MTPN: variants seen among roughly 807,000 people sequenced by gnomAD.
MTPN encodes granule cell differentiation protein.
Under a neutral mutation model 13.5 loss-of-function variants are expected in MTPN, and 2 were observed. That is an observed-to-expected ratio of 0.15 (90% confidence interval 0.06 to 0.47). MTPN has a LOEUF of 0.47. Among genes scored for constraint, MTPN ranks in the 20% least tolerant of loss-of-function variants. The probability of loss-of-function intolerance (pLI) is 0.97; values close to 1 mark genes in which losing one functional copy is unlikely to be tolerated. For synonymous variants in MTPN, 46 were observed against 51.7 expected (o/e 0.89, Z 0.48); for missense variants, 79 against 137.9 (o/e 0.57, Z 2.14).
intron 1 of MTPN, among the ~76,000 whole-genome samples, chr7:135,971,612 T>C (rs1370153506): frequency 6.6e-6 from 1 of 152,168 alleles, no homozygotes; most frequent in Non-Finnish European, 1.5e-5. Flanking sequence ...GCAAGTTATT[T>C]AATCTCTGCC....
chr7:135,958,543 T>C (rs1019135407), intron 1 of MTPN, among the ~76,000 whole-genome samples: 1 of 152,178 alleles, frequency 6.6e-6, no homozygotes, highest in African/African-American at 2.4e-5. Flanking sequence ...ACTGAGTATC[T>C]CTAATGAAAG....
Position 135,929,871 on chromosome 7 carries a change from G to T in MTPN, c.*55C>A. On this transcript the variant is annotated 3_prime_UTR_variant, in exon 4 of 4. Transcript: ENST00000393085. ...ATAGAGAGTGACAGACAGACAGGCA[G>T]CAGTGTGAGGCCACAGGAGAGTCAT... The T allele has an allele frequency of 6.6e-7, 1 of 1,508,040 alleles. No homozygotes were observed. The highest frequency in any genetic ancestry group is 9.2e-7 in the Non-Finnish European group (1 of 1,083,258). 93.4% of individuals were successfully genotyped at this position (1,508,040 alleles called of 1,614,324 possible).
intron 1 of MTPN, among the ~76,000 whole-genome samples, chr7:135,955,524 A>G (rs939066436): frequency 1.8e-4 from 28 of 152,180 alleles, no homozygotes; most frequent in African/African-American, 6.3e-4. Flanking sequence ...TACCAATTCT[A>G]CCCACTCTTC....
chr7:135,955,953 G>C (rs928891744), intron 1 of MTPN, among the ~76,000 whole-genome samples: 10 of 152,166 alleles, frequency 6.6e-5, no homozygotes, highest in Non-Finnish European at 1.2e-4. Context: ...CTTAATTGGT[G>C]AAAGACTGAA....
Position 135,977,308 on chromosome 7 carries a change from G to T in MTPN, c.-208C>A, listed in dbSNP as rs924908132. ...AAGAAAGTTCTTTTGCGGCCACCGGGCCCAGCAGAGAGGTTCCGCCTGGCC... is the reference window on the plus strand; with the variant it reads ...AAGAAAGTTCTTTTGCGGCCACCGGTCCCAGCAGAGAGGTTCCGCCTGGCC... On this transcript the variant is annotated 5_prime_UTR_variant, in exon 1 of 4. Coordinates refer to ENST00000393085, the MANE Select transcript of MTPN (RefSeq NM_145808.4). 3.3e-6 allele frequency: 2 copies of T among 600,874 alleles called. No homozygotes were observed. Among genetic ancestry groups the T allele is most frequent in the Non-Finnish European group, 3.0e-6 (1 of 336,146 alleles). 37.2% of individuals were successfully genotyped at this position (600,874 alleles called of 1,614,324 possible). A position where few individuals can be genotyped will look rare whatever the true frequency, so the allele number is the denominator to read the frequency against.
chr7:135,958,867 T>C (rs1799482431), intron 1 of MTPN, among the ~76,000 whole-genome samples: 1 of 152,162 alleles, frequency 6.6e-6, no homozygotes, highest in East Asian at 1.9e-4. Flanking sequence ...CTCTGAAACA[T>C]TCAAATTTCA....
intron 1 of MTPN, among the ~76,000 whole-genome samples, chr7:135,975,862 A>AGTAAATTG (rs1799765861): frequency 6.6e-6 from 1 of 152,252 alleles, no homozygotes; most frequent in African/African-American, 2.4e-5. Context: ...ATGGCATTAA[A>AGTAAATTG]TAAAGTAAAA....
At chr7:135,939,975 ATTAT>A (rs1363295021) in intron 3 of MTPN, among the ~76,000 whole-genome samples, 1 of 152,184 alleles carries the variant, frequency 6.6e-6, no homozygotes, top group African/African-American at 2.4e-5. Flanking sequence ...AAAAGGAAAA[ATTAT>A]TTTTTTAAAA....
chr7:135,947,281 G>A (rs949168556), intron 3 of MTPN, among the ~76,000 whole-genome samples: 21 of 152,018 alleles, frequency 1.4e-4, no homozygotes, highest in African/African-American at 4.6e-4. Flanking sequence ...CTCTGGGCGT[G>A]GCCTTGGATC....
chr7:135,949,573 T>A (rs1199973487), intron 3 of MTPN, among the ~76,000 whole-genome samples: 1 of 152,164 alleles, frequency 6.6e-6, no homozygotes, highest in Non-Finnish European at 1.5e-5. Context: ...AAGCTATGGA[T>A]AGAAAAAACC....
At chr7:135,943,171 T>C (rs941911310) in intron 3 of MTPN, among the ~76,000 whole-genome samples, 3 of 152,242 alleles carry the variant, frequency 2.0e-5, no homozygotes, top group African/African-American at 7.2e-5. Context: ...GGGTTCCAAA[T>C]AATCCTAAAA....
rs564045963 is a variant in MTPN at position 135,941,881 on chromosome 7, C to CTT, written c.270+8716_270+8717dup. Among the ~76,000 whole-genome samples the CTT allele has an allele frequency of 6.2e-3, 841 of 136,162 alleles. 3 individuals are homozygous for CTT. Among genetic ancestry groups the CTT allele is most frequent in the Middle Eastern group, 0.015 (4 of 260 alleles). The allele number at this position is 136,162 out of a possible 152,430, so 89.3% of individuals were successfully genotyped here. A position where few individuals can be genotyped will look rare whatever the true frequency, so the allele number is the denominator to read the frequency against. Reference sequence around the variant, plus strand: ...AGTCACATATTGAGCTGTTATATTACTTTTTTTTTTTTTTTTTTGAGACGG... The same window carrying CTT: ...AGTCACATATTGAGCTGTTATATTACTTTTTTTTTTTTTTTTTTTTGAGACGG... On this transcript the variant is annotated intron_variant, in intron 3 of 3. Coordinates refer to ENST00000393085, the MANE Select transcript of MTPN (RefSeq NM_145808.4).
intron 1 of MTPN, 130 bp downstream of exon 1, chr7:135,976,896 TTGG>T: frequency 2.3e-6 from 2 of 860,910 alleles, no homozygotes. Flanking sequence ...CCCTCTCTCC[TTGG>T]TGCCGCCTCC....
intron 1 of MTPN, among the ~76,000 whole-genome samples, chr7:135,973,682 CT>C (rs1214549873): frequency 2.6e-5 from 4 of 151,780 alleles, no homozygotes; most frequent in African/African-American, 9.7e-5. Flanking sequence ...TCATGAATAC[CT>C]TATTTTCTGG....
chr7:135,970,260 A>C lies in MTPN; in HGVS notation c.72+6769T>G, dbSNP rs1799672453. 1.3e-5 allele frequency among the ~76,000 whole-genome samples: 2 copies of C among 152,238 alleles called. 1 individual carries two copies. Among genetic ancestry groups the C allele is most frequent in the Admixed American group, 1.3e-4 (2 of 15,288 alleles). On this transcript the variant is annotated intron_variant, in intron 1 of 3. Coordinates refer to ENST00000393085, the MANE Select transcript of MTPN (RefSeq NM_145808.4). Reference sequence around the variant, plus strand: ...AAGCGGGAAAAACAGATGAGTAAGTAAATTTTCAATGTTTTTCTGAAATTA... The same window carrying C: ...AAGCGGGAAAAACAGATGAGTAAGTCAATTTTCAATGTTTTTCTGAAATTA...
chr7:135,974,263 T>G (rs1445380693), intron 1 of MTPN, among the ~76,000 whole-genome samples: 5 of 152,170 alleles, frequency 3.3e-5, no homozygotes, highest in Non-Finnish European at 7.4e-5. Context: ...GGTTCACACC[T>G]GTGAACCAGT....
intron 3 of MTPN, among the ~76,000 whole-genome samples, chr7:135,944,085 A>C (rs1405960080): frequency 1.3e-5 from 2 of 152,190 alleles, no homozygotes; most frequent in Non-Finnish European, 1.5e-5. Context: ...ATACCATGTA[A>C]GGCATGGAGT....
intron 1 of MTPN, among the ~76,000 whole-genome samples, chr7:135,972,231 G>GCGCGCGCACACACACACACA (rs779296906): frequency 2.7e-4 from 34 of 124,700 alleles, no homozygotes; most frequent in African/African-American, 1.0e-3. Context: ...GCACGCGCGC[G>GCGCGCGCACACACACACACA]CACACACACA....
Position 135,950,679 on chromosome 7 carries a change from G to C in MTPN, c.190C>G (p.Pro64Ala). 6.2e-7 allele frequency: 1 copy of C among 1,602,880 alleles called. No individual in the cohort carries two copies. Residue 64 changes from proline (P) to alanine (A), a missense_variant, in exon 3 of 4, where the codon CCA (proline) becomes GCA (alanine). Coordinates refer to ENST00000393085, the MANE Select transcript of MTPN (RefSeq NM_145808.4). ...AGAGGAGTAATATGATGTTTATCTG[G>C]AGCCTATGAAATAATAAACAGAGAT... Reference protein sequence around the residue: ...LLLKGADINAPDKHHITPLLS... With the variant: ...LLLKGADINAADKHHITPLLS...
Sources: gnomAD v4.1 joint callset for allele counts (sites outside exome capture counted in the v4.1 genomes callset) on GRCh38, gnomAD v4.1.1 for gene constraint, MANE v1.5 for transcripts, NCBI Gene and HGNC (gene_info 2026-07-23, HGNC 2026-07-21) for gene names.